CSMD1: variants seen among roughly 807,000 people sequenced by gnomAD.
The protein encoded by CSMD1 is CUB and sushi domain-containing protein 1.
CSMD1 carries 213 observed loss-of-function variants against 417.5 expected under a neutral mutation model. The ratio of observed to expected loss-of-function variants is 0.51; its 90% CI spans 0.46 to 0.57. The LOEUF is 0.57. Ranked by LOEUF, CSMD1 falls within the 20% of genes least tolerant of loss-of-function variation. CSMD1 has a pLI of 0.00. For missense variants in CSMD1, 6,923 were observed against 4,529.7 expected, an observed-to-expected ratio of 1.53 and a Z score of -15.17; for synonymous variants, 2,862 against 1,736.8, an observed-to-expected ratio of 1.65 and a Z score of -16.11.
At chr8:4,764,475 G>T (rs559201153) in intron 1 of CSMD1, among the ~76,000 whole-genome samples, 4 of 152,072 alleles carry the variant, frequency 2.6e-5, no homozygotes, top group African/African-American at 7.2e-5. Context: ...ATTCTTAAAA[G>T]TATTAAGTCG....
intron 5 of CSMD1, among the ~76,000 whole-genome samples, chr8:3,922,653 A>G (rs1174621692): frequency 6.6e-6 from 1 of 152,174 alleles, no homozygotes; most frequent in African/African-American, 2.4e-5. Context: ...TCACATAAAA[A>G]TAACTTTTAA....
At chr8:3,414,774 C>T (rs1267918728) in intron 12 of CSMD1, among the ~76,000 whole-genome samples, 1 of 152,164 alleles carries the variant, frequency 6.6e-6, no homozygotes, top group Non-Finnish European at 1.5e-5. Context: ...CTGAGGGTGT[C>T]TCCCCTCTTC....
chr8:4,398,568 TG>T (rs1460189462), intron 3 of CSMD1, among the ~76,000 whole-genome samples: 1 of 151,846 alleles, frequency 6.6e-6, no homozygotes, highest in Admixed American at 6.6e-5. Flanking sequence ...CAAATTTTTT[TG>T]TATTTTTAGT....
At chr8:4,132,515 T>G (rs1024082485) in intron 3 of CSMD1, among the ~76,000 whole-genome samples, 21 of 152,174 alleles carry the variant, frequency 1.4e-4, no homozygotes, top group African/African-American at 5.1e-4. Flanking sequence ...GGCATTCCCC[T>G]GTTTCTGGGT....
At chr8:4,950,951 G>A (rs1808704490) in intron 1 of CSMD1, among the ~76,000 whole-genome samples, 1 of 148,648 alleles carries the variant, frequency 6.7e-6, no homozygotes, top group Non-Finnish European at 1.5e-5. Flanking sequence ...ACAAAACTTG[G>A]AGACTTGTGG....
intron 1 of CSMD1, among the ~76,000 whole-genome samples, chr8:4,914,758 T>C (rs957171551): frequency 8.5e-5 from 13 of 152,138 alleles, no homozygotes; most frequent in African/African-American, 3.1e-4. Context: ...GTTTTCTCAG[T>C]TTACGTCACT....
chr8:3,641,024 CTTTTTTTTTTTTTTTT>C (rs34851559), intron 7 of CSMD1, among the ~76,000 whole-genome samples: 3 of 102,718 alleles, frequency 2.9e-5, no homozygotes, highest in Non-Finnish European at 1.9e-5. Flanking sequence ...TCCTTTTTTC[CTTTTTTTTTTTTTTTT>C]TTTTTTTGTG....
chr8:2,940,817 GAC>G (rs1801822549), intron 69 of CSMD1, among the ~76,000 whole-genome samples: 1 of 152,152 alleles, frequency 6.6e-6, no homozygotes, highest in Non-Finnish European at 1.5e-5. Flanking sequence ...TAATGGACTA[GAC>G]CTTTTCCTTG....
intron 3 of CSMD1, among the ~76,000 whole-genome samples, chr8:4,133,719 G>A (rs1262418702): frequency 4.6e-5 from 7 of 151,154 alleles, no homozygotes; most frequent in African/African-American, 1.7e-4. Flanking sequence ...GTAATCTCAA[G>A]ACTGTTTATG....
At chr8:3,312,312 G>A (rs1199355793) in intron 23 of CSMD1, among the ~76,000 whole-genome samples, 3 of 152,260 alleles carry the variant, frequency 2.0e-5, no homozygotes, top group African/African-American at 7.2e-5. Flanking sequence ...ATGACCAGCT[G>A]TCTCCTTTTT....
At chr8:4,707,980 C>G (rs1808056986) in intron 1 of CSMD1, among the ~76,000 whole-genome samples, 1 of 150,282 alleles carries the variant, frequency 6.7e-6, no homozygotes, top group East Asian at 2.0e-4. Context: ...ACATCTCACT[C>G]TGTCACCCAG....
chr8:3,563,554 C>G (rs1214342832), intron 10 of CSMD1, among the ~76,000 whole-genome samples: 1 of 137,798 alleles, frequency 7.3e-6, no homozygotes, highest in Non-Finnish European at 1.6e-5. Flanking sequence ...TAAATACACA[C>G]CTCTTACTCA....
chr8:4,453,240 C>T (rs566098588), intron 2 of CSMD1, among the ~76,000 whole-genome samples: 229 of 145,802 alleles, frequency 1.6e-3, no homozygotes, highest in African/African-American at 5.0e-3. Flanking sequence ...CACACACACA[C>T]ACACTGAACC....
At chr8:3,108,792 C>T (rs1563052765) in intron 43 of CSMD1, 44 bp from the exon 44 acceptor site, 2 of 1,557,170 alleles carry the variant, frequency 1.3e-6, no homozygotes, top group African/African-American at 2.8e-5. Flanking sequence ...ATATTTACTT[C>T]TGAGTGAGAT....
intron 50 of CSMD1, among the ~76,000 whole-genome samples, chr8:3,030,075 G>A (rs1008623212): frequency 3.3e-5 from 5 of 151,948 alleles, no homozygotes; most frequent in Admixed American, 1.3e-4. Context: ...AAGTCTTAAA[G>A]GAGACCATCT....
chr8:3,756,898 C>T (rs187349187), intron 5 of CSMD1, among the ~76,000 whole-genome samples: 3 of 152,212 alleles, frequency 2.0e-5, no homozygotes, highest in East Asian at 3.9e-4. Context: ...TGGGCTCAAG[C>T]CATCCGCTTG....
chr8:3,140,884 T>C (rs1818396662), intron 41 of CSMD1, among the ~76,000 whole-genome samples: 1 of 152,202 alleles, frequency 6.6e-6, no homozygotes, highest in Admixed American at 6.6e-5. Context: ...TTCTTAGAGA[T>C]TGCATATTTG....
intron 1 of CSMD1, among the ~76,000 whole-genome samples, chr8:4,824,406 A>G (rs1799695492): frequency 6.6e-6 from 1 of 152,098 alleles, no homozygotes; most frequent in Non-Finnish European, 1.5e-5. Context: ...AGTCCCTGAG[A>G]CCTCTAAGCT....
In CSMD1 at chr8:4,450,761, C is replaced by T. The variant is rs551392138; in HGVS notation, c.303-30696G>A. Among the ~76,000 whole-genome samples the T allele has an allele frequency of 1.6e-4, 24 of 152,288 alleles. 1 individual carries two copies. In the South Asian group the frequency reaches 3.9e-3, roughly 25 times the overall value. Reference sequence around the variant, plus strand: ...TAGCAACAAAACAGCGGTCTCTTCACAAATTGAAAGCAAGTATTGTATTTT... The same window carrying T: ...TAGCAACAAAACAGCGGTCTCTTCATAAATTGAAAGCAAGTATTGTATTTT... On this transcript the variant is annotated intron_variant, in intron 2 of 69. Transcript: ENST00000635120.
Sources: allele counts gnomAD v4.1 joint callset (sites outside exome capture counted in the v4.1 genomes callset), GRCh38; gene constraint gnomAD v4.1.1; transcripts MANE v1.5; gene names NCBI Gene and HGNC (gene_info 2026-07-23, HGNC 2026-07-21).